SLC25A26: variants seen among roughly 807,000 people sequenced by gnomAD.
The protein encoded by SLC25A26 is solute carrier family 25 member 26, also known as mitochondrial S-adenosylmethionine carrier protein.
Under a neutral mutation model 37.8 loss-of-function variants are expected in SLC25A26, and 36 were observed. The observed-to-expected ratio is 0.95, with a 90% CI of 0.73 to 1.26. The LOEUF (loss-of-function observed/expected upper bound fraction) is 1.26, where lower values mean the gene tolerates loss of function less well. SLC25A26 is among the 50% of genes most tolerant of loss of function. SLC25A26 has a pLI of 0.00. For missense variants in SLC25A26, 390 were observed against 331.1 expected, an observed-to-expected ratio of 1.18 and a Z score of -1.38; for synonymous variants, 129 against 122.5, an observed-to-expected ratio of 1.05 and a Z score of -0.35.
intron 1 of SLC25A26, among the ~76,000 whole-genome samples, chr3:66,172,380 C>T (rs1424981399): frequency 7.7e-6 from 1 of 129,446 alleles, no homozygotes; most frequent in African/African-American, 3.0e-5. Flanking sequence ...CATTGTACTC[C>T]AGCCTGGGCC....
At chr3:66,136,230 A>C (rs1224258794) in intron 1 of SLC25A26, among the ~76,000 whole-genome samples, 1 of 152,222 alleles carries the variant, frequency 6.6e-6, no homozygotes, top group Admixed American at 6.5e-5. Flanking sequence ...TTCTCCTTTG[A>C]ATGAATGATA....
At chr3:66,194,319 A>G (rs2071002578) in intron 1 of SLC25A26, among the ~76,000 whole-genome samples, 1 of 152,150 alleles carries the variant, frequency 6.6e-6, no homozygotes, top group African/African-American at 2.4e-5. Flanking sequence ...GGGGGTTGAA[A>G]GGGTTCAGGG....
chr3:66,269,730 T>A (rs1207192048), intron 5 of SLC25A26, among the ~76,000 whole-genome samples: 1 of 152,116 alleles, frequency 6.6e-6, no homozygotes, highest in Non-Finnish European at 1.5e-5. Flanking sequence ...AGAAAAAAAA[T>A]AGTCCTAGCT....
intron 1 of SLC25A26, among the ~76,000 whole-genome samples, chr3:66,163,023 C>T (rs529161275): frequency 6.6e-6 from 1 of 152,302 alleles, no homozygotes; most frequent in South Asian, 2.1e-4. Flanking sequence ...AATCAGCCTC[C>T]TTTCTGAGGA....
At chr3:66,162,366 T>TG (rs2070371740) in intron 1 of SLC25A26, among the ~76,000 whole-genome samples, 1 of 86,946 alleles carries the variant, frequency 1.2e-5, no homozygotes, top group Non-Finnish European at 2.3e-5. Flanking sequence ...TTTTTGTGGT[T>TG]GGGCGGGGGA....
intron 5 of SLC25A26, among the ~76,000 whole-genome samples, chr3:66,279,938 A>G (rs779662610): frequency 6.6e-6 from 1 of 152,210 alleles, no homozygotes; most frequent in Non-Finnish European, 1.5e-5. Context: ...TCACAGGGTA[A>G]ATGACAAACA....
intron 2 of SLC25A26, among the ~76,000 whole-genome samples, chr3:66,240,938 G>C (rs1559605942): frequency 6.6e-6 from 1 of 151,684 alleles, no homozygotes; most frequent in Non-Finnish European, 1.5e-5. Flanking sequence ...AGTAGAGACG[G>C]GGTTTCACTG....
intron 1 of SLC25A26, among the ~76,000 whole-genome samples, chr3:66,209,042 A>ATG (rs1468914938): frequency 0.21 from 4,624 of 22,134 alleles, 508 homozygotes; most frequent in South Asian, 0.35. Flanking sequence ...ATAAAGGTGT[A>ATG]TATATATATA....
intron 1 of SLC25A26, among the ~76,000 whole-genome samples, chr3:66,232,699 A>G (rs2072090200): frequency 6.6e-6 from 1 of 152,240 alleles, no homozygotes; most frequent in African/African-American, 2.4e-5. Flanking sequence ...AACAAAGGGC[A>G]CATAGTGCGA....
chr3:66,204,111 T>C (rs1347559897), intron 1 of SLC25A26, among the ~76,000 whole-genome samples: 6 of 152,094 alleles, frequency 3.9e-5, no homozygotes, highest in African/African-American at 1.2e-4. Context: ...GACTTACTTA[T>C]AGGAGGAAAC....
At position 66,249,973 on chromosome 3, in the gene SLC25A26, A is replaced by C. The variant is rs561484965; in HGVS notation, c.300+6661A>C. ...CATGTATTATGGGACCTTTCACCCT[A>C]TTTTCCTGTCTGTTGACTTTTTCAA... is the stretch of plus-strand genomic sequence containing the variant. On this transcript the variant is annotated intron_variant, in intron 3 of 9. Coordinates refer to ENST00000354883, the MANE Select transcript of SLC25A26 (RefSeq NM_001379210.1). 2.0e-5 allele frequency among the ~76,000 whole-genome samples: 3 copies of C among 152,192 alleles called. No individual in the cohort carries two copies. The South Asian group carries it at 6.2e-4, about 32-fold the overall frequency.
chr3:66,230,835 ATTTTAGAC>A (rs2106958074), intron 1 of SLC25A26, among the ~76,000 whole-genome samples: 1 of 149,134 alleles, frequency 6.7e-6, no homozygotes, highest in African/African-American at 2.5e-5. Flanking sequence ...AAAAACCAGA[ATTTTAGAC>A]TGAGAGAAAA....
intron 2 of SLC25A26, among the ~76,000 whole-genome samples, chr3:66,239,754 G>T (rs1328983970): frequency 6.7e-6 from 1 of 150,280 alleles, no homozygotes; most frequent in African/African-American, 2.4e-5. Context: ...TTTGCAGGAA[G>T]TGTGAAGTTT....
At chr3:66,253,268 G>A (rs1042370859) in intron 3 of SLC25A26, among the ~76,000 whole-genome samples, 2 of 151,642 alleles carry the variant, frequency 1.3e-5, no homozygotes, top group African/African-American at 2.4e-5. Context: ...AAAGTTAGTC[G>A]GGCATGGTGG....
intron 1 of SLC25A26, among the ~76,000 whole-genome samples, chr3:66,167,480 T>C (rs546900281): frequency 4.3e-4 from 66 of 152,326 alleles, no homozygotes; most frequent in Non-Finnish European, 8.2e-4. Flanking sequence ...GCATCACACT[T>C]TATATAAGCC....
intron 1 of SLC25A26, among the ~76,000 whole-genome samples, chr3:66,156,573 G>C (rs2070285780): frequency 6.6e-6 from 1 of 152,164 alleles, no homozygotes; most frequent in South Asian, 2.1e-4. Flanking sequence ...GGGCATAAGA[G>C]TAGAGTCCAG....
chr3:66,316,699 C>T lies in SLC25A26; in HGVS notation c.454-29665C>T, dbSNP rs374171644. 5.3e-5 allele frequency among the ~76,000 whole-genome samples: 8 copies of T among 152,250 alleles called. No individual in the cohort carries two copies. The East Asian group carries it at 1.4e-3, about 26-fold the overall frequency. On this transcript the variant is annotated intron_variant, in intron 5 of 9. Coordinates refer to ENST00000354883, the MANE Select transcript of SLC25A26 (RefSeq NM_001379210.1). ...GTTGAGGAAGTTCTCCTGGATGATA[C>T]CCTGAAGTGTGTTTTCCAACTTGGT... is the stretch of plus-strand genomic sequence containing the variant.
At chr3:66,135,171 A>C (rs1320871736) in intron 1 of SLC25A26, among the ~76,000 whole-genome samples, 7 of 152,146 alleles carry the variant, frequency 4.6e-5, no homozygotes. Context: ...GGTTTTATAA[A>C]GTTCAAATTT....
rs140731261 is a variant in SLC25A26 at position 66,279,128 on chromosome 3, G to C, written c.453+15749G>C. On this transcript the variant is annotated intron_variant, in intron 5 of 9. Coordinates refer to ENST00000354883, the MANE Select transcript of SLC25A26 (RefSeq NM_001379210.1). ...GGCATGAGCTTGTCTTTTTTTCTTG[G>C]AGTTTCTAATTGCCTTTTCTGTATG... is the stretch of plus-strand genomic sequence containing the variant. 4.6e-5 allele frequency among the ~76,000 whole-genome samples: 7 copies of C among 152,096 alleles called. No individual in the cohort carries two copies. In the East Asian group the frequency reaches 1.4e-3, roughly 29 times the overall value.
Sources: gnomAD v4.1 joint callset for allele counts (sites outside exome capture counted in the v4.1 genomes callset) on GRCh38, gnomAD v4.1.1 for gene constraint, MANE v1.5 for transcripts, NCBI Gene and HGNC (gene_info 2026-07-23, HGNC 2026-07-21) for gene names.